NDST3: variants seen among roughly 807,000 people sequenced by gnomAD.
NDST3 encodes the protein N-deacetylase and N-sulfotransferase 3, also known as bifunctional heparan sulfate N-deacetylase/N-sulfotransferase 3.
Under a neutral mutation model 96.1 loss-of-function variants are expected in NDST3, and 58 were observed. The observed-to-expected ratio is 0.60, with a 90% CI of 0.49 to 0.75. The LOEUF (loss-of-function observed/expected upper bound fraction) is 0.75, where lower values mean the gene tolerates loss of function less well. Ranked by LOEUF, NDST3 falls within the 30% of genes least tolerant of loss-of-function variation. The pLI, the probability that NDST3 is intolerant of heterozygous loss-of-function variation, is 0.00. For synonymous variants in NDST3, 333 were observed against 359.7 expected (o/e 0.93, Z 0.84); for missense variants, 788 against 1,034.2 (o/e 0.76, Z 3.27).
At chr4:118,035,158 A>T (rs1370889105) in intron 1 of NDST3, among the ~76,000 whole-genome samples, 1 of 152,144 alleles carries the variant, frequency 6.6e-6, no homozygotes, top group African/African-American at 2.4e-5. Context: ...GGTAAAAGCA[A>T]AGTTACATCT....
chr4:118,166,146 A>G (rs1735534163), intron 6 of NDST3, among the ~76,000 whole-genome samples: 1 of 151,770 alleles, frequency 6.6e-6, no homozygotes, highest in Non-Finnish European at 1.5e-5. Context: ...AATGATTAAC[A>G]TCATTGGCAA....
At chr4:118,233,180 C>A in intron 9 of NDST3, 45 bp downstream of exon 9, 1 of 1,520,312 alleles carries the variant, frequency 6.6e-7, no homozygotes, top group Non-Finnish European at 9.0e-7. Flanking sequence ...ATGTACTGTG[C>A]ACAGTATAAA....
intron 2 of NDST3, among the ~76,000 whole-genome samples, chr4:118,085,044 A>G (rs1728312361): frequency 6.6e-6 from 1 of 152,040 alleles, no homozygotes; most frequent in South Asian, 2.1e-4. Context: ...AATTGCTTGA[A>G]CCCAGGAGGC....
chr4:118,140,112 A>G (rs1258891991), intron 5 of NDST3, among the ~76,000 whole-genome samples: 1 of 152,040 alleles, frequency 6.6e-6, no homozygotes, highest in Non-Finnish European at 1.5e-5. Context: ...CTATTTCCCT[A>G]TGGCTGAAGC....
intron 12 of NDST3, among the ~76,000 whole-genome samples, chr4:118,252,182 T>A (rs1285022504): frequency 2.0e-5 from 3 of 152,196 alleles, no homozygotes; most frequent in African/African-American, 7.2e-5. Context: ...TGTAAAGGAA[T>A]TATCATTGCT....
intron 2 of NDST3, among the ~76,000 whole-genome samples, chr4:118,081,993 T>G (rs1330316493): frequency 6.6e-6 from 1 of 152,166 alleles, no homozygotes; most frequent in Non-Finnish European, 1.5e-5. Context: ...TACCTGCCTT[T>G]AGAAAGCTGT....
chr4:118,037,268 A>C (rs760425293), intron 1 of NDST3, among the ~76,000 whole-genome samples: 1 of 152,226 alleles, frequency 6.6e-6, no homozygotes, highest in Non-Finnish European at 1.5e-5. Flanking sequence ...ATTTCTGCTA[A>C]GTAGAGATGT....
intron 2 of NDST3, among the ~76,000 whole-genome samples, chr4:118,080,969 G>A (rs1324164124): frequency 6.6e-6 from 1 of 152,102 alleles, no homozygotes; most frequent in African/African-American, 2.4e-5. Flanking sequence ...CACAAGGAAG[G>A]GGTGTAAAGT....
chr4:118,161,672 G>A (rs529449834), intron 6 of NDST3, among the ~76,000 whole-genome samples: 10 of 152,300 alleles, frequency 6.6e-5, no homozygotes, highest in South Asian at 2.1e-4. Context: ...AGGACCCTCC[G>A]AGCCATGTGA....
chr4:118,163,282 C>T (rs1735305920), intron 6 of NDST3, among the ~76,000 whole-genome samples: 1 of 152,158 alleles, frequency 6.6e-6, no homozygotes, highest in Non-Finnish European at 1.5e-5. Flanking sequence ...AATCATGCTG[C>T]TATAAAGACA....
intron 6 of NDST3, among the ~76,000 whole-genome samples, chr4:118,167,165 C>T (rs1350289279): frequency 6.6e-6 from 1 of 151,664 alleles, no homozygotes; most frequent in Non-Finnish European, 1.5e-5. Context: ...GAAACATACA[C>T]ACGCAGGCAC....
intron 2 of NDST3, 148 bp downstream of exon 2, chr4:118,055,039 C>A: frequency 1.1e-6 from 1 of 922,606 alleles, no homozygotes; most frequent in Non-Finnish European, 1.7e-6. Flanking sequence ...CACCCTAAAT[C>A]AACTAAGAAG....
At chr4:118,237,825 T>G (rs771629104) in intron 10 of NDST3, among the ~76,000 whole-genome samples, 1 of 152,110 alleles carries the variant, frequency 6.6e-6, no homozygotes, top group African/African-American at 2.4e-5. Context: ...TAAGAATCTT[T>G]AGGCTGGGCG....
intron 2 of NDST3, among the ~76,000 whole-genome samples, chr4:118,090,032 A>C (rs1188195043): frequency 6.6e-6 from 1 of 151,950 alleles, no homozygotes; most frequent in Non-Finnish European, 1.5e-5. Context: ...CCTGCCACTT[A>C]CCACAAATGA....
intron 6 of NDST3, among the ~76,000 whole-genome samples, chr4:118,180,600 T>C (rs1023448324): frequency 6.6e-6 from 1 of 152,116 alleles, no homozygotes; most frequent in African/African-American, 2.4e-5. Flanking sequence ...TAGGTGACTT[T>C]TCAATTTAGC....
intron 4 of NDST3, among the ~76,000 whole-genome samples, chr4:118,120,194 A>G (rs772624803): frequency 4.6e-5 from 7 of 152,160 alleles, no homozygotes; most frequent in Admixed American, 6.6e-5. Flanking sequence ...ATTATTATAC[A>G]GGTATGATGA....
chr4:118,074,309 C>T (rs1727319445), intron 2 of NDST3, among the ~76,000 whole-genome samples: 1 of 151,988 alleles, frequency 6.6e-6, no homozygotes, highest in Non-Finnish European at 1.5e-5. Context: ...AAGTGTCAAG[C>T]TTAGGTACCG....
chr4:118,068,319 A>G (rs1203525719), intron 2 of NDST3, among the ~76,000 whole-genome samples: 1 of 151,980 alleles, frequency 6.6e-6, no homozygotes. Context: ...ATTGTTGATG[A>G]ACCTAAAACA....
At chr4:118,159,128 C>T (rs1734914144) in intron 6 of NDST3, among the ~76,000 whole-genome samples, 10 of 152,144 alleles carry the variant, frequency 6.6e-5, no homozygotes, top group Admixed American at 6.6e-4. Flanking sequence ...AACATTTAGG[C>T]TTTTGGCAGG....
Sources: gnomAD v4.1 joint callset for allele counts (sites outside exome capture counted in the v4.1 genomes callset) on GRCh38, gnomAD v4.1.1 for gene constraint, MANE v1.5 for transcripts, NCBI Gene and HGNC (gene_info 2026-07-23, HGNC 2026-07-21) for gene names.